ZZZ3: variants seen among roughly 807,000 people sequenced by gnomAD.
The protein encoded by ZZZ3 is zinc finger ZZ-type containing 3.
Under a neutral mutation model 95.2 loss-of-function variants are expected in ZZZ3, and 22 were observed. The ratio of observed to expected loss-of-function variants is 0.23; its 90% CI spans 0.17 to 0.33. The LOEUF is 0.33. ZZZ3 is among the 10% of genes least tolerant of loss of function. The pLI, the probability that ZZZ3 is intolerant of heterozygous loss-of-function variation, is 1.00. For synonymous variants in ZZZ3, 335 were observed against 358.9 expected, an observed-to-expected ratio of 0.93 and a Z score of 0.75; for missense variants, 885 against 1,066.5, an observed-to-expected ratio of 0.83 and a Z score of 2.37.
chr1:77,630,586 T>G (rs888621981), intron 5 of ZZZ3, among the ~76,000 whole-genome samples: 16 of 152,246 alleles, frequency 1.1e-4, no homozygotes, highest in African/African-American at 3.9e-4. Flanking sequence ...TGAGTTGTTT[T>G]GCTATCTAAA....
At chr1:77,654,113 A>ATTG (rs1670054307) in intron 1 of ZZZ3, among the ~76,000 whole-genome samples, 1 of 146,582 alleles carries the variant, frequency 6.8e-6, no homozygotes, top group Admixed American at 7.0e-5. Context: ...GCGTGAACCC[A>ATTG]GGAGGCGGAG....
chr1:77,652,373 T>C (rs1669888435), intron 1 of ZZZ3, among the ~76,000 whole-genome samples: 1 of 152,204 alleles, frequency 6.6e-6, no homozygotes, highest in Non-Finnish European at 1.5e-5. Flanking sequence ...CCCTCAGGGA[T>C]ATGCAAATCA....
intron 1 of ZZZ3, among the ~76,000 whole-genome samples, chr1:77,666,405 C>T (rs1011896782): frequency 1.3e-5 from 2 of 152,044 alleles, no homozygotes; most frequent in East Asian, 1.9e-4. Context: ...TGGTGGTGCA[C>T]GCTTGTAATT....
chr1:77,604,264 T>C (rs1444976885), intron 5 of ZZZ3, among the ~76,000 whole-genome samples: 2 of 152,218 alleles, frequency 1.3e-5, no homozygotes, highest in Non-Finnish European at 2.9e-5. Context: ...TAGGCATTCA[T>C]ATATTTTTAT....
chr1:77,606,134 C>G (rs1665209852), intron 5 of ZZZ3, among the ~76,000 whole-genome samples: 1 of 152,180 alleles, frequency 6.6e-6, no homozygotes, highest in South Asian at 2.1e-4. Context: ...ACTCCCCAAC[C>G]TGGCAGCATT....
chr1:77,659,818 T>C (rs190466388), intron 1 of ZZZ3, among the ~76,000 whole-genome samples: 3 of 151,558 alleles, frequency 2.0e-5, no homozygotes, highest in Admixed American at 2.0e-4. Context: ...AGCTCAGTTG[T>C]TGTGGTTTTG....
chr1:77,579,266 A>G (rs1346594371), intron 10 of ZZZ3, among the ~76,000 whole-genome samples: 1 of 152,246 alleles, frequency 6.6e-6, no homozygotes. Context: ...TACAATTAGT[A>G]TATTTAGTAA....
At chr1:77,634,402 A>G (rs1470509371) in intron 4 of ZZZ3, among the ~76,000 whole-genome samples, 2 of 152,168 alleles carry the variant, frequency 1.3e-5, no homozygotes, top group Non-Finnish European at 2.9e-5. Context: ...ATAATTTTTC[A>G]TAACTAAATA....
chr1:77,584,740 T>C, intron 5 of ZZZ3, 85 bp from the exon 6 acceptor site: 2 of 1,108,548 alleles, frequency 1.8e-6, no homozygotes, highest in African/African-American at 1.6e-5. Context: ...GATCTACTAT[T>C]AAGTCACACA....
chr1:77,575,593 C>T (rs1368256908), intron 12 of ZZZ3, among the ~76,000 whole-genome samples: 1 of 151,908 alleles, frequency 6.6e-6, no homozygotes, highest in Admixed American at 6.6e-5. Flanking sequence ...GACAAATGAA[C>T]CAGTTCTTCA....
At chr1:77,670,856 A>C (rs919031169) in intron 1 of ZZZ3, among the ~76,000 whole-genome samples, 1 of 152,028 alleles carries the variant, frequency 6.6e-6, no homozygotes, top group Admixed American at 6.5e-5. Flanking sequence ...AAGACTCTGC[A>C]AAAACTACAA....
chr1:77,639,625 A>C (rs1668589933), intron 3 of ZZZ3, 23 bp from the exon 4 acceptor site: 1 of 451,058 alleles, frequency 2.2e-6, no homozygotes, highest in Admixed American at 4.4e-5. Context: ...ATAATGAAAA[A>C]AAAGGATTAA....
chr1:77,598,937 C>T (rs1664470986), intron 5 of ZZZ3, among the ~76,000 whole-genome samples: 1 of 152,062 alleles, frequency 6.6e-6, no homozygotes, highest in Admixed American at 6.6e-5. Context: ...AGTGCTTTAG[C>T]ACAGTAGTTA....
intron 1 of ZZZ3, among the ~76,000 whole-genome samples, chr1:77,643,392 C>T (rs866341872): frequency 3.9e-5 from 6 of 152,146 alleles, no homozygotes; most frequent in African/African-American, 1.4e-4. Flanking sequence ...TGACAATACA[C>T]AGTAATTTTT....
rs973761514 is a variant in ZZZ3 at position 77,565,503 on chromosome 1, G to A, written c.*137C>T. 37 of 872,680 alleles carry A rather than the reference G, an allele frequency of 4.2e-5. No homozygotes were observed. Among genetic ancestry groups the A allele is most frequent in the South Asian group, 1.2e-4 (7 of 57,228 alleles). 54.1% of individuals were successfully genotyped at this position (872,680 alleles called of 1,614,324 possible). A position where few individuals can be genotyped will look rare whatever the true frequency, so the allele number is the denominator to read the frequency against. On this transcript the variant is annotated 3_prime_UTR_variant, in exon 15 of 15. Coordinates refer to ENST00000370801, the MANE Select transcript of ZZZ3 (RefSeq NM_015534.6). ...ACAACGGTGCAGAGCTGTACTTGAC[G>A]AGAACACTCAGGAAGCTCTCATGCT...
intron 5 of ZZZ3, among the ~76,000 whole-genome samples, chr1:77,619,450 G>A (rs1230785407): frequency 6.6e-6 from 1 of 152,024 alleles, no homozygotes; most frequent in Non-Finnish European, 1.5e-5. Context: ...ACATAAAAAG[G>A]CAAGGACACA....
chr1:77,595,995 T>C (rs1664179029), intron 5 of ZZZ3, among the ~76,000 whole-genome samples: 1 of 152,028 alleles, frequency 6.6e-6, no homozygotes, highest in African/African-American at 2.4e-5. Flanking sequence ...AATCACTGGG[T>C]AGAATTTCTG....
At chr1:77,637,242 T>TA (rs548748712) in intron 4 of ZZZ3, among the ~76,000 whole-genome samples, 38 of 152,012 alleles carry the variant, frequency 2.5e-4, no homozygotes, top group Non-Finnish European at 4.3e-4. Context: ...ATCCTAATAA[T>TA]AAAAAAATTT....
At chr1:77,679,758 T>C (rs1340627036) in intron 1 of ZZZ3, among the ~76,000 whole-genome samples, 3 of 152,206 alleles carry the variant, frequency 2.0e-5, no homozygotes, top group African/African-American at 7.2e-5. Context: ...TTGAGAAAAG[T>C]GAAAATTAAA....
Sources: gnomAD v4.1 joint callset for allele counts (sites outside exome capture counted in the v4.1 genomes callset) on GRCh38, gnomAD v4.1.1 for gene constraint, MANE v1.5 for transcripts, NCBI Gene and HGNC (gene_info 2026-07-23, HGNC 2026-07-21) for gene names.